MAMDC2: variants seen among roughly 807,000 people sequenced by gnomAD.
MAMDC2 encodes MAM domain-containing protein 2.
A neutral mutation model predicts 89.8 loss-of-function variants in MAMDC2; 57 were observed. That is an observed-to-expected ratio of 0.63 (90% CI 0.51 to 0.79). The LOEUF (loss-of-function observed/expected upper bound fraction) is 0.79. Among genes scored for constraint, MAMDC2 ranks in the 30% least tolerant of loss-of-function variants. The pLI is 0.00. For missense variants in MAMDC2, 800 were observed against 820.6 expected, an observed-to-expected ratio of 0.97 and a Z score of 0.31; for synonymous variants, 313 against 293.4, an observed-to-expected ratio of 1.07 and a Z score of -0.68.
At chr9:70,063,717 A>G (rs1271337808) in intron 2 of MAMDC2, among the ~76,000 whole-genome samples, 1 of 152,240 alleles carries the variant, frequency 6.6e-6, no homozygotes, top group Non-Finnish European at 1.5e-5. Flanking sequence ...ACTTTGTGCC[A>G]TACACTTGCT....
intron 8 of MAMDC2, among the ~76,000 whole-genome samples, chr9:70,142,561 A>G (rs1447636530): frequency 6.6e-6 from 1 of 152,190 alleles, no homozygotes; most frequent in Non-Finnish European, 1.5e-5. Context: ...GGTGGCTTAA[A>G]CAACAGACAT....
intron 2 of MAMDC2, among the ~76,000 whole-genome samples, chr9:70,066,506 G>A (rs1827268498): frequency 6.6e-6 from 1 of 152,090 alleles, no homozygotes; most frequent in African/African-American, 2.4e-5. Context: ...TACTGTGCAA[G>A]GGCGAAGGGG....
chr9:70,183,273 T>C (rs1259909247), intron 11 of MAMDC2, among the ~76,000 whole-genome samples: 3 of 152,204 alleles, frequency 2.0e-5, no homozygotes, highest in Admixed American at 2.0e-4. Flanking sequence ...TCCAATTATG[T>C]GGTCAATTTT....
At chr9:70,062,286 C>T (rs1827166480) in intron 2 of MAMDC2, among the ~76,000 whole-genome samples, 1 of 151,898 alleles carries the variant, frequency 6.6e-6, no homozygotes, top group Non-Finnish European at 1.5e-5. Flanking sequence ...CACACTATCT[C>T]TTTATATATT....
chr9:70,114,342 T>C lies in MAMDC2; in HGVS notation c.643+1210T>C, dbSNP rs115082978. 4.7e-3 allele frequency among the ~76,000 whole-genome samples: 709 copies of C among 150,010 alleles called. 9 individuals are homozygous for C. The highest frequency in any genetic ancestry group is 0.016 in the African/African-American group (642 of 40,524). ...CCAATGAGTTGCTGCTGTGTGAGAA[T>C]GTAAGCCCGGGTTGCCAGATCTTTT... On this transcript the variant is annotated intron_variant, in intron 5 of 13. Transcript: ENST00000377182.
Position 70,044,659 on chromosome 9 carries a change from C to G in MAMDC2, c.110C>G (p.Ser37Cys), listed in dbSNP as rs1310364024. 1 of 1,551,708 alleles carries G rather than the reference C, an allele frequency of 6.4e-7. No individual in the cohort carries two copies. Among genetic ancestry groups the G allele is most frequent in the East Asian group, 2.4e-5 (1 of 40,914 alleles). Residue 37 changes from serine (S) to cysteine (C), a missense_variant, in exon 2 of 14, where the codon TCC becomes TGC. Transcript: ENST00000377182. ...GAAGAGAGCACTTGCGGCTTTGACT[C>G]CGTGTTGGCCTCTCTGCCGTGGATT... ...AFEESTCGFD[S>C]VLASLPWILN...
chr9:70,090,067 T>G (rs1827854934), intron 2 of MAMDC2, among the ~76,000 whole-genome samples: 2 of 152,000 alleles, frequency 1.3e-5, no homozygotes, highest in South Asian at 4.2e-4. Flanking sequence ...ATAAAGAATT[T>G]TTGTAAATCA....
At chr9:70,096,457 G>A (rs1456045722) in intron 2 of MAMDC2, among the ~76,000 whole-genome samples, 3 of 152,196 alleles carry the variant, frequency 2.0e-5, no homozygotes, top group Non-Finnish European at 4.4e-5. Context: ...GGGAGGAAAG[G>A]AGAGGACAAA....
intron 9 of MAMDC2, among the ~76,000 whole-genome samples, chr9:70,144,538 T>C (rs2031333564): frequency 6.6e-6 from 1 of 152,238 alleles, no homozygotes; most frequent in Non-Finnish European, 1.5e-5. Flanking sequence ...AAAAATCCAT[T>C]TTGCTTCAGC....
At position 70,140,197 on chromosome 9, in the gene MAMDC2, CAACTTTT is replaced by C. The variant is rs2031162713; in HGVS notation, c.1049_1055del (p.Asn350ThrfsTer12). ...GCTGCAATTTTGAGCAAGATCTCTG[CAACTTTT>C]ACCAAGATAAAGAAGGTCCAGGTTG... On this transcript the variant is annotated frameshift_variant, in exon 8 of 14. Transcript: ENST00000377182. LOFTEE classifies it high-confidence loss of function. 3 of 1,595,474 alleles carry C rather than the reference CAACTTTT, an allele frequency of 1.9e-6. No individual in the cohort carries two copies. The highest frequency in any genetic ancestry group is 2.6e-6 in the Non-Finnish European group (3 of 1,174,526).
chr9:70,181,323 T>C (rs1201807275), intron 11 of MAMDC2, among the ~76,000 whole-genome samples: 1 of 152,238 alleles, frequency 6.6e-6, no homozygotes, highest in African/African-American at 2.4e-5. Context: ...TAGGATAGTC[T>C]TGGCTATACA....
chr9:70,204,184 G>A (rs1246224792), intron 11 of MAMDC2, among the ~76,000 whole-genome samples: 2 of 148,654 alleles, frequency 1.3e-5, no homozygotes, highest in African/African-American at 2.5e-5. Context: ...CATCTTTGTG[G>A]TTTTATCTAC....
At chr9:70,107,193 G>A (rs1050590948) in intron 2 of MAMDC2, among the ~76,000 whole-genome samples, 22 of 152,220 alleles carry the variant, frequency 1.4e-4, no homozygotes, top group African/African-American at 5.3e-4. Context: ...ATTGACATAG[G>A]AAACCAGATG....
chr9:70,159,361 A>G (rs2148866), intron 9 of MAMDC2, among the ~76,000 whole-genome samples: 130,316 of 152,104 alleles, frequency 0.86, 56,067 homozygotes, highest in East Asian at 0.96. Flanking sequence ...TGTTATTAGG[A>G]GTTGGTTAAA....
chr9:70,091,500 T>G (rs563090895), intron 2 of MAMDC2, among the ~76,000 whole-genome samples: 1 of 152,244 alleles, frequency 6.6e-6, no homozygotes, highest in Non-Finnish European at 1.5e-5. Flanking sequence ...GATGCCCTGT[T>G]ACATTTGAAT....
rs188018697 is a variant in MAMDC2, at chr9:70,211,924, C to T, written c.1652-6413C>T. 2.1e-4 allele frequency among the ~76,000 whole-genome samples: 32 copies of T among 152,354 alleles called. 1 individual carries two copies. Among genetic ancestry groups the T allele is most frequent in the Admixed American group, 1.3e-3 (20 of 15,306 alleles). On this transcript the variant is annotated intron_variant, in intron 11 of 13. Coordinates refer to ENST00000377182, the MANE Select transcript of MAMDC2 (RefSeq NM_153267.5). ...ACTCTGTTTGCCTGGGTATCAGCAG[C>T]GGAGGCTGCAGAACAGCAAATATTG...
chr9:70,149,207 CAAAAAA>C (rs3071388), intron 9 of MAMDC2, among the ~76,000 whole-genome samples: 3 of 109,722 alleles, frequency 2.7e-5, no homozygotes, highest in Non-Finnish European at 5.5e-5. Flanking sequence ...GACCCCATCT[CAAAAAA>C]AAAAAAAAAA....
intron 11 of MAMDC2, among the ~76,000 whole-genome samples, chr9:70,176,806 T>A (rs902990575): frequency 1.3e-5 from 2 of 152,208 alleles, no homozygotes; most frequent in African/African-American, 4.8e-5. Context: ...TTTGTTCTTG[T>A]TCTTGAAATT....
chr9:70,143,340 T>C (rs1329325092), intron 8 of MAMDC2, among the ~76,000 whole-genome samples: 6 of 152,246 alleles, frequency 3.9e-5, no homozygotes, highest in Non-Finnish European at 8.8e-5. Context: ...TGTACTGGTT[T>C]ATAAAGTTTA....
Sources: gnomAD v4.1 joint callset for allele counts (sites outside exome capture counted in the v4.1 genomes callset) on GRCh38, gnomAD v4.1.1 for gene constraint, MANE v1.5 for transcripts, NCBI Gene and HGNC (gene_info 2026-07-23, HGNC 2026-07-21) for gene names.